The following PTH2R variants were observed in gnomAD, a reference collection of about 807,000 sequenced individuals.
PTH2R encodes the protein parathyroid hormone 2 receptor.
Under a neutral mutation model 60.3 loss-of-function variants are expected in PTH2R, and 59 were observed. The observed-to-expected ratio is 0.98, with a 90% CI of 0.79 to 1.22. PTH2R has a LOEUF of 1.22. Among genes scored for constraint, PTH2R ranks in the 50% most tolerant of loss-of-function variants. PTH2R has a pLI of 0.00. For synonymous variants in PTH2R, 256 were observed against 243.8 expected, an observed-to-expected ratio of 1.05 and a Z score of -0.47; for missense variants, 749 against 682.6, an observed-to-expected ratio of 1.10 and a Z score of -1.08.
chr2:208,489,811 G>A (rs998855961), intron 11 of PTH2R, among the ~76,000 whole-genome samples: 2 of 152,136 alleles, frequency 1.3e-5, no homozygotes, highest in Non-Finnish European at 2.9e-5. Context: ...TATCACACCA[G>A]CCTCCATGTA....
chr2:208,361,080 A>G (rs1399779401), intron 1 of PTH2R: 2 of 190,286 alleles, frequency 1.1e-5, no homozygotes, highest in Non-Finnish European at 2.2e-5. Flanking sequence ...GCCCACAGCA[A>G]ACTTGTCCTG....
chr2:208,416,408 C>T (rs2105841420), intron 1 of PTH2R, among the ~76,000 whole-genome samples: 1 of 152,332 alleles, frequency 6.6e-6, no homozygotes, highest in East Asian at 1.9e-4. Flanking sequence ...TTTGTTCACC[C>T]TTACGAACTT....
chr2:208,422,632 G>T (rs980251120), intron 1 of PTH2R, among the ~76,000 whole-genome samples: 2 of 151,942 alleles, frequency 1.3e-5, no homozygotes, highest in African/African-American at 2.4e-5. Flanking sequence ...ATATTTTGTG[G>T]TTTTTTTAAG....
intron 1 of PTH2R, among the ~76,000 whole-genome samples, chr2:208,386,596 G>C (rs539240467): frequency 6.6e-6 from 1 of 152,302 alleles, no homozygotes; most frequent in African/African-American, 2.4e-5. Flanking sequence ...ACTATAGACT[G>C]TGTGGCTTAA....
intron 9 of PTH2R, among the ~76,000 whole-genome samples, chr2:208,469,075 A>G (rs1702821448): frequency 6.6e-6 from 1 of 152,222 alleles, no homozygotes; most frequent in Non-Finnish European, 1.5e-5. Context: ...TATAGGTCAC[A>G]CGACTAGTAT....
intron 1 of PTH2R, among the ~76,000 whole-genome samples, chr2:208,385,548 GA>G (rs2125878914): frequency 6.6e-6 from 1 of 152,284 alleles, no homozygotes; most frequent in Non-Finnish European, 1.5e-5. Flanking sequence ...TCATCTAGGA[GA>G]AGGCTTGACC....
chr2:208,461,490 ATCTTTATCT>A (rs1702634654), intron 9 of PTH2R, among the ~76,000 whole-genome samples: 1 of 152,054 alleles, frequency 6.6e-6, no homozygotes. Flanking sequence ...TAAGGGAACA[ATCTTTATCT>A]TGTTACTTTT....
At chr2:208,402,995 A>G (rs996538166), upstream of PTH2R, among the ~76,000 whole-genome samples, 4 of 152,210 alleles carry the variant, frequency 2.6e-5, no homozygotes, top group African/African-American at 9.6e-5. Context: ...TCTGAGTTAT[A>G]GTTTCCTCAT....
At chr2:208,442,551 G>A in intron 5 of PTH2R, 90 bp downstream of exon 5, 3 of 1,030,204 alleles carry the variant, frequency 2.9e-6, no homozygotes, top group South Asian at 1.4e-5. Flanking sequence ...TTTTCCAAAT[G>A]TTTTCCTCAA....
rs192043452 is a variant in PTH2R at position 208,380,528 on chromosome 2, C to A, written c.-259+20291C>A. Among the ~76,000 whole-genome samples, 315 of 152,092 alleles carry A rather than the reference C, an allele frequency of 2.1e-3. 4 individuals carry two copies. Among genetic ancestry groups the A allele is most frequent in the African/African-American group, 7.2e-3 (299 of 41,438 alleles). On this transcript the variant is annotated intron_variant, in intron 1 of 12. Coordinates refer to the PTH2R transcript ENST00000617735. ...TGTCTTGCCTACTTAAATTATCACC[C>A]CCCTTCCTATTTCAACAAAGACTTT...
intron 1 of PTH2R, among the ~76,000 whole-genome samples, chr2:208,411,041 T>C (rs184554961): frequency 7.2e-4 from 110 of 152,172 alleles, no homozygotes; most frequent in Admixed American, 1.4e-3. Context: ...AGGTCAGGAG[T>C]TCGAGACCAG....
chr2:208,472,977 T>C (rs1422923349), intron 9 of PTH2R, among the ~76,000 whole-genome samples: 1 of 152,258 alleles, frequency 6.6e-6, no homozygotes, highest in East Asian at 1.9e-4. Flanking sequence ...CCACAGTTTT[T>C]GCTCTTTCTT....
At chr2:208,407,226 G>T in intron 1 of PTH2R, 108 bp downstream of exon 1, 2 of 943,502 alleles carry the variant, frequency 2.1e-6, no homozygotes, top group Non-Finnish European at 2.9e-6. Context: ...ATGTTCACAC[G>T]TCCACAAACG....
chr2:208,474,320 T>C (rs1702951908), intron 9 of PTH2R, among the ~76,000 whole-genome samples: 1 of 152,096 alleles, frequency 6.6e-6, no homozygotes, highest in African/African-American at 2.4e-5. Flanking sequence ...AGTAGAGGTG[T>C]AGTAACAGAA....
chr2:208,407,338 T>G (rs1234481000), intron 1 of PTH2R, among the ~76,000 whole-genome samples: 1 of 152,190 alleles, frequency 6.6e-6, no homozygotes, highest in Non-Finnish European at 1.5e-5. Flanking sequence ...GGGCCGGCAC[T>G]GTTTAGACCA....
upstream of PTH2R, among the ~76,000 whole-genome samples, chr2:208,402,769 A>G (rs1454177240): frequency 1.2e-4 from 18 of 152,244 alleles, no homozygotes; most frequent in Admixed American, 1.2e-3. Flanking sequence ...AACAAGGATT[A>G]AAAATGTAAT....
intron 11 of PTH2R, among the ~76,000 whole-genome samples, chr2:208,489,521 G>A (rs1327572409): frequency 6.6e-6 from 1 of 152,102 alleles, no homozygotes. Flanking sequence ...AAGGAGTGGG[G>A]AGGGGAGACA....
chr2:208,444,755 G>T lies in PTH2R; in HGVS notation c.721G>T (p.Val241Leu). 1 of 1,613,838 alleles carries T rather than the reference G, an allele frequency of 6.2e-7. No individual in the cohort carries two copies. Among genetic ancestry groups the T allele is most frequent in the Non-Finnish European group, 8.5e-7 (1 of 1,179,836 alleles). The change falls in exon 7 of 13, where the codon GTG (valine) becomes TTG (leucine). Residue 241 changes from valine to leucine, a missense_variant. Physicochemically the swap from Val to Leu is conservative, Grantham distance 32. Coordinates refer to ENST00000272847, the MANE Select transcript of PTH2R (RefSeq NM_005048.4). ...SQYIGCKIAV[V>L]MFIYFLATNY... ...ATAGATCGGGTGCAAGATTGCTGTTGTGATGTTTATTTACTTCCTGGCTAC... is the reference window on the plus strand; with the variant it reads ...ATAGATCGGGTGCAAGATTGCTGTTTTGATGTTTATTTACTTCCTGGCTAC...
intron 1 of PTH2R, among the ~76,000 whole-genome samples, chr2:208,393,591 A>G (rs528171011): frequency 2.0e-5 from 3 of 152,210 alleles, no homozygotes; most frequent in South Asian, 4.2e-4. Flanking sequence ...TGGGTCTGCT[A>G]TAGGAGACAT....
Sources: allele counts gnomAD v4.1 joint callset (sites outside exome capture counted in the v4.1 genomes callset), GRCh38; gene constraint gnomAD v4.1.1; transcripts MANE v1.5; gene names NCBI Gene and HGNC (gene_info 2026-07-23, HGNC 2026-07-21).